The following UBP1 variants were observed in gnomAD, a reference collection of about 807,000 sequenced individuals.
UBP1 encodes the protein upstream binding protein 1, also known as upstream-binding protein 1.
Under a neutral mutation model 76.1 loss-of-function variants are expected in UBP1, and 22 were observed. That is an observed-to-expected ratio of 0.29 (90% CI 0.21 to 0.41). The LOEUF (loss-of-function observed/expected upper bound fraction) is 0.41. Among genes scored for constraint, UBP1 ranks in the 10% least tolerant of loss-of-function variants. UBP1 has a pLI of 1.00. For synonymous variants in UBP1, 224 were observed against 237.1 expected (o/e 0.94, Z 0.51); for missense variants, 436 against 668.1 (o/e 0.65, Z 3.83).
intron 13 of UBP1, among the ~76,000 whole-genome samples, chr3:33,395,309 C>T (rs60509610): frequency 1.3e-5 from 2 of 151,984 alleles, no homozygotes; most frequent in African/African-American, 4.8e-5. Context: ...ATAACTGCAT[C>T]TCTGAATGCC....
intron 1 of UBP1, 31 bp from the exon 2 acceptor site, chr3:33,425,772 C>A (rs762469838): frequency 1.9e-6 from 3 of 1,551,172 alleles, no homozygotes; most frequent in African/African-American, 2.7e-5. Context: ...ACTGACCTTA[C>A]TTTGGGTTTG....
intron 1 of UBP1, among the ~76,000 whole-genome samples, chr3:33,430,642 A>T (rs2045097331): frequency 6.6e-6 from 1 of 152,214 alleles, no homozygotes; most frequent in Admixed American, 6.5e-5. Flanking sequence ...CATATAGAAG[A>T]ATTCTTGCTA....
rs755042087 is a variant in UBP1, at chr3:33,409,297, T to C, written c.758A>G (p.Lys253Arg). ...CTTTTCTTTTTCATGAGCTGTTCTC[T>C]TCTCCATCTTCTCTCGGTCAGTTTT... is the stretch of plus-strand genomic sequence containing the variant. Reference protein sequence around the residue: ...KQKTDREKMEKRTAHEKEKYQ... With the variant: ...KQKTDREKMERRTAHEKEKYQ... Residue 253 changes from lysine to arginine, a missense_variant, in exon 7 of 16, where the codon AAG becomes AGG. By Grantham distance (26) the Lys-to-Arg change is conservative. Coordinates refer to ENST00000283629, the MANE Select transcript of UBP1 (RefSeq NM_014517.5). 1.9e-6 allele frequency: 3 copies of C among 1,614,212 alleles called. No homozygotes were observed. Among genetic ancestry groups the C allele is most frequent in the Non-Finnish European group, 2.5e-6 (3 of 1,180,012 alleles).
chr3:33,403,401 A>G (rs1335073478), intron 8 of UBP1: 1 of 192,420 alleles, frequency 5.2e-6, no homozygotes, highest in Non-Finnish European at 1.1e-5. Flanking sequence ...TGCTTCTCTG[A>G]TACCTCTAAA....
intron 11 of UBP1, among the ~76,000 whole-genome samples, chr3:33,399,534 GA>G (rs35695525): frequency 6.6e-6 from 1 of 152,018 alleles, no homozygotes; most frequent in Non-Finnish European, 1.5e-5. Context: ...TTATGCTAGT[GA>G]AAAAAAGCCA....
At position 33,388,736 on chromosome 3, in the gene UBP1, G is replaced by C. The variant is rs1395602661; in HGVS notation, c.*1595C>G. On this transcript the variant is annotated 3_prime_UTR_variant, in exon 16 of 16. Coordinates refer to ENST00000283629, the MANE Select transcript of UBP1 (RefSeq NM_014517.5). Reference sequence around the variant, plus strand: ...CAGAAAGGAAAACTCTCTGCCTATAGGATCTATAGGAGTTACAGATATTTT... The same window carrying C: ...CAGAAAGGAAAACTCTCTGCCTATACGATCTATAGGAGTTACAGATATTTT... The C allele has an allele frequency of 6.6e-6, 1 of 152,182 alleles. No individual in the cohort carries two copies. Among genetic ancestry groups the C allele is most frequent in the Non-Finnish European group, 1.5e-5 (1 of 68,038 alleles). 9.4% of individuals were successfully genotyped at this position (152,182 alleles called of 1,614,324 possible).
chr3:33,427,875 TG>T (rs756855737), intron 1 of UBP1, among the ~76,000 whole-genome samples: 1 of 152,132 alleles, frequency 6.6e-6, no homozygotes, highest in Non-Finnish European at 1.5e-5. Context: ...GCTCCTGCCT[TG>T]GGGGCAGATA....
At chr3:33,418,788 G>A (rs2044800988) in intron 2 of UBP1, among the ~76,000 whole-genome samples, 1 of 150,522 alleles carries the variant, frequency 6.6e-6, no homozygotes, top group Non-Finnish European at 1.5e-5. Flanking sequence ...GAACCTGGGA[G>A]GCGGAGGTTG....
chr3:33,403,378 A>T (rs2044302715), intron 8 of UBP1: 1 of 200,670 alleles, frequency 5.0e-6, no homozygotes, highest in Admixed American at 5.4e-5. Flanking sequence ...GAGCAGCCTC[A>T]CCAGTACCCA....
At chr3:33,419,113 G>A (rs1311653170) in intron 2 of UBP1, among the ~76,000 whole-genome samples, 2 of 152,130 alleles carry the variant, frequency 1.3e-5, no homozygotes, top group African/African-American at 4.8e-5. Context: ...GAAGAGTTGA[G>A]GATTACTCCT....
rs760760385 is a variant in UBP1, at chr3:33,397,071, A to C, written c.1245T>G (p.Ile415Met). ...TTGACTTCAGTGAATTATAGAGCCGAATTCCATCGGCTGCACCACAAATTT... is the reference window on the plus strand; with the variant it reads ...TTGACTTCAGTGAATTATAGAGCCGCATTCCATCGGCTGCACCACAAATTT... ...LVQICGAADGIRLYNSLKSRS... is the reference protein window; with the variant it reads ...LVQICGAADGMRLYNSLKSRS... The change falls in exon 12 of 16, where the codon ATT becomes ATG. Residue 415 changes from isoleucine (I) to methionine (M), a missense_variant. Physicochemically the swap from Ile to Met is conservative, Grantham distance 10 (BLOSUM62 1). This residue lies in a region of UBP1 where 210 missense variants were observed against 272.8 expected (regional missense o/e 0.77). Transcript: ENST00000283629. 6.2e-7 allele frequency: 1 copy of C among 1,602,940 alleles called. No individual in the cohort carries two copies. The highest frequency in any genetic ancestry group is 1.1e-5 in the South Asian group (1 of 89,030).
At chr3:33,395,913 C>T (rs569776519) in intron 13 of UBP1, among the ~76,000 whole-genome samples, 89 of 151,110 alleles carry the variant, frequency 5.9e-4, no homozygotes, top group African/African-American at 1.7e-3. Context: ...TAGATATTTC[C>T]GGCATGAAGG....
intron 10 of UBP1, 100 bp from the exon 11 acceptor site, chr3:33,400,382 C>T (rs1210666254): frequency 2.4e-6 from 2 of 841,524 alleles, no homozygotes; most frequent in Admixed American, 6.9e-5. Context: ...AAAAAACACC[C>T]AAAAAGAGCA....
intron 1 of UBP1, 22 bp from the exon 2 acceptor site, chr3:33,425,763 C>T: frequency 3.2e-6 from 5 of 1,558,968 alleles, no homozygotes; most frequent in Non-Finnish European, 4.4e-6. Flanking sequence ...AAAATCAACA[C>T]TGACCTTACT....
At chr3:33,411,303 G>A (rs1458122443) in intron 5 of UBP1, among the ~76,000 whole-genome samples, 1 of 152,088 alleles carries the variant, frequency 6.6e-6, no homozygotes, top group Non-Finnish European at 1.5e-5. Context: ...GTGTTCAAGA[G>A]AAATACATCT....
At chr3:33,431,831 T>C (rs532067984) in intron 1 of UBP1, among the ~76,000 whole-genome samples, 3 of 150,942 alleles carry the variant, frequency 2.0e-5, no homozygotes, top group East Asian at 2.0e-4. Flanking sequence ...CAAGGATGAG[T>C]TGTGAGGCTG....
At chr3:33,413,534 G>A (rs565965699) in intron 3 of UBP1, among the ~76,000 whole-genome samples, 55 of 130,166 alleles carry the variant, frequency 4.2e-4, no homozygotes, top group African/African-American at 1.2e-3. Flanking sequence ...GTGACAGAGC[G>A]AGACTCCATC....
Position 33,388,473 on chromosome 3 carries a change from A to G in UBP1, c.*1858T>C, listed in dbSNP as rs952272392. On this transcript the variant is annotated 3_prime_UTR_variant, in exon 16 of 16. Coordinates refer to ENST00000283629, the MANE Select transcript of UBP1 (RefSeq NM_014517.5). ...GACAAACTCACGTTCAATGCCACTC[A>G]GTATAATTTCAAGTCTGATAAGCAT... The G allele has an allele frequency of 6.6e-6, 1 of 152,668 alleles. No individual in the cohort carries two copies. Among genetic ancestry groups the G allele is most frequent in the Admixed American group, 6.5e-5 (1 of 15,282 alleles). The allele number at this position is 152,668 out of a possible 1,614,324, so 9.5% of individuals were successfully genotyped here. A position where few individuals can be genotyped will look rare whatever the true frequency, so the allele number is the denominator to read the frequency against.
upstream of UBP1, chr3:33,440,435 C>T (rs1481386333): frequency 1.3e-5 from 2 of 152,386 alleles, no homozygotes; most frequent in African/African-American, 2.4e-5. Flanking sequence ...CGACCCCGCC[C>T]CGGCGTTCGC....
Sources: allele counts gnomAD v4.1 joint callset (sites outside exome capture counted in the v4.1 genomes callset), GRCh38; gene constraint gnomAD v4.1.1; regional missense constraint gnomAD v4.1.1; transcripts MANE v1.5; gene names NCBI Gene and HGNC (gene_info 2026-07-23, HGNC 2026-07-21).